Variants in VPS35L observed in about 807,000 individuals in gnomAD.
VPS35L encodes the protein VPS35 endosomal protein-sorting factor-like.
In VPS35L, 83 loss-of-function variants were observed where a neutral mutation model predicts 133.0. That is an observed-to-expected ratio of 0.62 (90% CI 0.52 to 0.75). The LOEUF (loss-of-function observed/expected upper bound fraction) is 0.75, where lower values mean the gene tolerates loss of function less well. Ranked by LOEUF, VPS35L falls within the 30% of genes least tolerant of loss-of-function variation. The probability of loss-of-function intolerance (pLI) is 0.00; values close to 1 mark genes in which losing one functional copy is unlikely to be tolerated. For synonymous variants in VPS35L, 423 were observed against 449.9 expected (o/e 0.94, Z 0.76); for missense variants, 1,083 against 1,206.8 (o/e 0.90, Z 1.52).
chr16:19,598,872 T>C (rs1972294897), intron 8 of VPS35L, among the ~76,000 whole-genome samples: 1 of 152,066 alleles, frequency 6.6e-6, no homozygotes, highest in South Asian at 2.1e-4. Flanking sequence ...AACTTTCGTG[T>C]AGGAAATAAA....
At chr16:19,616,869 C>A in intron 14 of VPS35L, 61 bp downstream of exon 14, 1 of 1,610,124 alleles carries the variant, frequency 6.2e-7, no homozygotes, top group South Asian at 1.1e-5. Context: ...CCCCTGCCCA[C>A]TGTGCCCTTT....
At chr16:19,694,101 C>T (rs1031973704) in intron 29 of VPS35L, 4 of 151,932 alleles carry the variant, frequency 2.6e-5, no homozygotes, top group African/African-American at 7.3e-5. Flanking sequence ...ATGTTCTGTA[C>T]ACATAGAAAT....
chr16:19,611,371 A>G (rs1163646056), intron 12 of VPS35L, among the ~76,000 whole-genome samples: 1 of 152,134 alleles, frequency 6.6e-6, no homozygotes, highest in African/African-American at 2.4e-5. Flanking sequence ...CCCCCTAGCA[A>G]CGAGAATCTT....
At chr16:19,619,544 G>A (rs1297169211) in intron 14 of VPS35L, among the ~76,000 whole-genome samples, 3 of 152,070 alleles carry the variant, frequency 2.0e-5, no homozygotes, top group South Asian at 4.1e-4. Context: ...CAGGATTGAC[G>A]TGGTGAAATG....
chr16:19,581,532 A>T lies in VPS35L; in HGVS notation c.518A>T (p.Gln173Leu). ...EELDDFEEGS[Q>L]KELLNLTQQD... Reference sequence around the variant, plus strand: ...TCTGCCTTCTCCCCACAGGGTTCCCAAAAGGAGCTGTTGAACTTGACTCAG... The same window carrying T: ...TCTGCCTTCTCCCCACAGGGTTCCCTAAAGGAGCTGTTGAACTTGACTCAG... The change falls in exon 7 of 31, where the codon CAA (glutamine) becomes CTA (leucine). Residue 173 changes from glutamine (Q) to leucine (L), a missense_variant. Transcript: ENST00000417362. The T allele has an allele frequency of 6.2e-7, 1 of 1,600,946 alleles. No individual in the cohort carries two copies. Among genetic ancestry groups the T allele is most frequent in the Non-Finnish European group, 8.5e-7 (1 of 1,172,748 alleles).
intron 26 of VPS35L, among the ~76,000 whole-genome samples, chr16:19,662,315 G>T (rs1974512482): frequency 6.6e-6 from 1 of 151,906 alleles, no homozygotes; most frequent in African/African-American, 2.4e-5. Flanking sequence ...GACCTGCCTG[G>T]CCAACATGGT....
At chr16:19,570,437 T>C (rs1971325636) in intron 3 of VPS35L, among the ~76,000 whole-genome samples, 1 of 152,140 alleles carries the variant, frequency 6.6e-6, no homozygotes, top group South Asian at 2.1e-4. Flanking sequence ...AAATCACTCA[T>C]TTTGATGTGA....
intron 23 of VPS35L, among the ~76,000 whole-genome samples, chr16:19,647,359 A>G (rs538833194): frequency 9.0e-4 from 137 of 152,346 alleles, no homozygotes; most frequent in Non-Finnish European, 1.6e-3. Flanking sequence ...CTAACCAGCT[A>G]TTCATAAATT....
chr16:19,574,175 A>G (rs1236450577), intron 4 of VPS35L, among the ~76,000 whole-genome samples: 2 of 152,270 alleles, frequency 1.3e-5, no homozygotes, highest in East Asian at 3.9e-4. Flanking sequence ...ACGCTGGAGA[A>G]AAGTCTCGAG....
At chr16:19,555,896 C>A in intron 1 of VPS35L, 150 bp downstream of exon 1, 1 of 1,185,418 alleles carries the variant, frequency 8.4e-7, no homozygotes, top group Non-Finnish European at 1.1e-6. Context: ...AATCCCTGGC[C>A]GCTACCGCGG....
intron 29 of VPS35L, among the ~76,000 whole-genome samples, chr16:19,697,601 G>C (rs940887190): frequency 1.3e-5 from 2 of 152,104 alleles, no homozygotes; most frequent in African/African-American, 4.8e-5. Flanking sequence ...GGCGCCATGT[G>C]AATTATCTGT....
At chr16:19,565,038 G>T in intron 2 of VPS35L, 88 bp downstream of exon 2, 1 of 1,050,492 alleles carries the variant, frequency 9.5e-7, no homozygotes, top group Non-Finnish European at 1.4e-6. Context: ...TTTTGCCAGT[G>T]GTAGCCACTT....
chr16:19,570,834 C>CTCATAT (rs1971339682), intron 3 of VPS35L, among the ~76,000 whole-genome samples: 1 of 78,804 alleles, frequency 1.3e-5, no homozygotes, highest in Admixed American at 1.4e-4. Context: ...TGCTGTGTTT[C>CTCATAT]ATATATATAT....
chr16:19,630,326 GTTTTTTT>G (rs201807727), intron 18 of VPS35L, among the ~76,000 whole-genome samples: 2 of 106,514 alleles, frequency 1.9e-5, no homozygotes, highest in South Asian at 3.3e-4. Flanking sequence ...AGTCCTAAAA[GTTTTTTT>G]TTTTTTTTTT....
chr16:19,559,364 A>G (rs1035986918), intron 1 of VPS35L, among the ~76,000 whole-genome samples: 15 of 152,206 alleles, frequency 9.9e-5, no homozygotes, highest in Non-Finnish European at 1.9e-4. Flanking sequence ...AGCCCAGCCA[A>G]TAGTGGAGGT....
intron 27 of VPS35L, among the ~76,000 whole-genome samples, chr16:19,670,573 G>A (rs1047079644): frequency 2.0e-5 from 3 of 152,196 alleles, no homozygotes; most frequent in African/African-American, 4.8e-5. Flanking sequence ...AGAAGGTGGC[G>A]ACAAAGTTCT....
chr16:19,672,594 A>G (rs1251336257), intron 27 of VPS35L, among the ~76,000 whole-genome samples: 1 of 152,236 alleles, frequency 6.6e-6, no homozygotes, highest in Admixed American at 6.5e-5. Flanking sequence ...TCAGGAGGCC[A>G]GGCTCAAGGA....
chr16:19,665,052 G>T (rs1974618438), intron 26 of VPS35L, among the ~76,000 whole-genome samples: 1 of 151,994 alleles, frequency 6.6e-6, no homozygotes, highest in African/African-American at 2.4e-5. Context: ...ATTTTTGTGG[G>T]TACTTAGTAA....
intron 1 of VPS35L, among the ~76,000 whole-genome samples, chr16:19,556,082 G>T (rs1970845769): frequency 6.6e-6 from 1 of 152,182 alleles, no homozygotes; most frequent in Non-Finnish European, 1.5e-5. Flanking sequence ...TGAGGGTAAT[G>T]GTGGACTCAG....
Sources: allele counts gnomAD v4.1 joint callset (sites outside exome capture counted in the v4.1 genomes callset), GRCh38; gene constraint gnomAD v4.1.1; transcripts MANE v1.5; gene names NCBI Gene and HGNC (gene_info 2026-07-23, HGNC 2026-07-21).